The following CEP162 variants were observed in gnomAD, a reference collection of about 807,000 sequenced individuals.
CEP162 encodes centrosomal protein 162, also known as centrosomal protein of 162 kDa.
A neutral mutation model predicts 169.2 loss-of-function variants in CEP162; 141 were observed. The ratio of observed to expected loss-of-function variants is 0.83; its 90% CI spans 0.73 to 0.96. CEP162 has a LOEUF of 0.96. Among genes scored for constraint, CEP162 ranks in the 40% least tolerant of loss-of-function variants. The probability of loss-of-function intolerance (pLI) is 0.00; values close to 1 mark genes in which losing one functional copy is unlikely to be tolerated. For missense variants in CEP162, 1,600 were observed against 1,587.2 expected, an observed-to-expected ratio of 1.01 and a Z score of -0.14; for synonymous variants, 540 against 526.4, an observed-to-expected ratio of 1.03 and a Z score of -0.35.
At chr6:84,145,751 TCAC>T (rs2099518585) in intron 25 of CEP162, among the ~76,000 whole-genome samples, 2 of 151,904 alleles carry the variant, frequency 1.3e-5, no homozygotes, top group East Asian at 1.9e-4. Flanking sequence ...CTGCAGAGAG[TCAC>T]CACAACAGCT....
At chr6:84,226,481 T>C (rs1193539186) in intron 1 of CEP162, 29 bp from the exon 2 acceptor site, 8 of 956,800 alleles carry the variant, frequency 8.4e-6, no homozygotes, top group Non-Finnish European at 1.3e-5. Context: ...AAACATCTTT[T>C]GAGGAAATCC....
At chr6:84,142,281 T>A (rs2099517014) in intron 25 of CEP162, among the ~76,000 whole-genome samples, 1 of 152,182 alleles carries the variant, frequency 6.6e-6, no homozygotes, top group Admixed American at 6.5e-5. Flanking sequence ...AATACACAAT[T>A]TGCATTCAAC....
chr6:84,202,305 A>G (rs992574617), intron 7 of CEP162, among the ~76,000 whole-genome samples: 5 of 152,100 alleles, frequency 3.3e-5, no homozygotes, highest in Non-Finnish European at 5.9e-5. Flanking sequence ...TTTCCTATTA[A>G]TATCACCTAT....
chr6:84,212,075 A>G (rs2099549722), intron 6 of CEP162, among the ~76,000 whole-genome samples: 4 of 152,178 alleles, frequency 2.6e-5, no homozygotes, highest in African/African-American at 4.8e-5. Flanking sequence ...GTATCAAGTA[A>G]AAGTATTCCT....
At chr6:84,169,149 A>C (rs1169590893) in intron 18 of CEP162, among the ~76,000 whole-genome samples, 179 bp downstream of exon 18, 1 of 152,152 alleles carries the variant, frequency 6.6e-6, no homozygotes, top group Non-Finnish European at 1.5e-5. Flanking sequence ...CCTCTATACT[A>C]AGGTCATGTG....
chr6:84,193,838 A>G (rs940514863), intron 10 of CEP162, 148 bp from the exon 11 acceptor site: 1 of 484,476 alleles, frequency 2.1e-6, no homozygotes, highest in Non-Finnish European at 3.7e-6. Flanking sequence ...AAGTTTCCTT[A>G]TACCAGGAAA....
intron 9 of CEP162, 109 bp from the exon 10 acceptor site, chr6:84,195,184 G>C: frequency 1.1e-6 from 1 of 905,996 alleles, no homozygotes; most frequent in Non-Finnish European, 1.6e-6. Flanking sequence ...GTAGAGTTAA[G>C]TACTAACTAG....
rs183962296 is a variant in CEP162, at chr6:84,125,135, G to A, written c.4147C>T (p.Leu1383=). ...GGCACAACCACTCCTTGCCGGTGCA[G>A]CTCTCGGAGAACATCTAATATTGAG... ...LDSILDVLRE[L]HRQGVVVPVA... is the part of the protein sequence containing the mutation. The change falls in exon 27 of 27, where the codon CTG becomes TTG. Residue 1383 remains leucine (L), a synonymous_variant. Transcript: ENST00000403245. The A allele has an allele frequency of 6.2e-7, 1 of 1,613,540 alleles. No individual in the cohort carries two copies. Among genetic ancestry groups the A allele is most frequent in the East Asian group, 2.2e-5 (1 of 44,864 alleles).
chr6:84,182,083 A>G (rs951376951), intron 13 of CEP162, among the ~76,000 whole-genome samples: 3 of 152,044 alleles, frequency 2.0e-5, no homozygotes, highest in African/African-American at 7.2e-5. Context: ...CCTATTTTAA[A>G]AGAACCTGTA....
chr6:84,136,074 C>T (rs1407887920), intron 25 of CEP162, among the ~76,000 whole-genome samples: 3 of 152,154 alleles, frequency 2.0e-5, no homozygotes, highest in Admixed American at 6.6e-5. Flanking sequence ...GCCATTCCTG[C>T]TTTCTTTGCT....
At position 84,187,909 on chromosome 6, in the gene CEP162, A is replaced by C. The variant is rs189397548; in HGVS notation, c.1110-1286T>G. On this transcript the variant is annotated intron_variant, in intron 11 of 26. Transcript: ENST00000403245. ...ACACAGAATGAGCTGGTTTGTAAGCAGAATTTAAAGAGAATAGAAGGAATC... is the reference window on the plus strand; with the variant it reads ...ACACAGAATGAGCTGGTTTGTAAGCCGAATTTAAAGAGAATAGAAGGAATC... Among the ~76,000 whole-genome samples the C allele has an allele frequency of 1.2e-3, 181 of 152,356 alleles. No homozygotes were observed. In the Middle Eastern group the frequency reaches 0.02, roughly 17 times the overall value.
chr6:84,204,728 C>G (rs1455258683), intron 6 of CEP162, among the ~76,000 whole-genome samples: 2 of 152,118 alleles, frequency 1.3e-5, no homozygotes, highest in East Asian at 3.9e-4. Context: ...TAACTAAGAT[C>G]AGAGCAGAAT....
At chr6:84,181,904 T>G (rs1021174744) in intron 13 of CEP162, among the ~76,000 whole-genome samples, 3 of 152,074 alleles carry the variant, frequency 2.0e-5, no homozygotes, top group Admixed American at 6.6e-5. Context: ...TGTCTAAAAT[T>G]AAAAAAGTTA....
At chr6:84,209,621 C>T (rs148065681) in intron 6 of CEP162, among the ~76,000 whole-genome samples, 7 of 152,084 alleles carry the variant, frequency 4.6e-5, no homozygotes, top group African/African-American at 1.2e-4. Flanking sequence ...GTGATCCACC[C>T]GCCTTGGCCT....
chr6:84,212,069 C>T (rs1675011329), intron 6 of CEP162, among the ~76,000 whole-genome samples: 1 of 151,928 alleles, frequency 6.6e-6, no homozygotes, highest in South Asian at 2.1e-4. Flanking sequence ...AATTCTGTAT[C>T]AAGTAAAAGT....
chr6:84,209,659 GCCACCACAC>G (rs1191995230), intron 6 of CEP162, among the ~76,000 whole-genome samples: 1 of 152,170 alleles, frequency 6.6e-6, no homozygotes, highest in Non-Finnish European at 1.5e-5. Flanking sequence ...ACAGGTGTAA[GCCACCACAC>G]CCGGCCTATT....
intron 25 of CEP162, among the ~76,000 whole-genome samples, chr6:84,141,656 C>CT (rs2099516691): frequency 6.6e-6 from 1 of 152,160 alleles, no homozygotes; most frequent in Non-Finnish European, 1.5e-5. Flanking sequence ...AGAAAGTACT[C>CT]CAGCCTGATA....
chr6:84,124,252 T>C lies in CEP162; in HGVS notation c.*818A>G, dbSNP rs1161976431. 6.6e-6 allele frequency: 1 copy of C among 152,012 alleles called. No individual in the cohort carries two copies. The highest frequency in any genetic ancestry group is 1.5e-5 in the Non-Finnish European group (1 of 67,972). 9.4% of individuals were successfully genotyped at this position (152,012 alleles called of 1,614,324 possible). A position where few individuals can be genotyped will look rare whatever the true frequency, so the allele number is the denominator to read the frequency against. On this transcript the variant is annotated 3_prime_UTR_variant, in exon 27 of 27. Coordinates refer to ENST00000403245, the MANE Select transcript of CEP162 (RefSeq NM_014895.4). ...CAGAAATCATTATATAAAAAAGATA[T>C]CTGTACATGTATGTTTATTGCAGCA...
intron 21 of CEP162, among the ~76,000 whole-genome samples, chr6:84,160,180 T>C (rs538025465): frequency 3.4e-4 from 52 of 152,204 alleles, no homozygotes; most frequent in African/African-American, 1.2e-3. Flanking sequence ...TATTTAGTTA[T>C]GAATATAAAT....
Sources: gnomAD v4.1 joint callset for allele counts (sites outside exome capture counted in the v4.1 genomes callset) on GRCh38, gnomAD v4.1.1 for gene constraint, MANE v1.5 for transcripts, NCBI Gene and HGNC (gene_info 2026-07-23, HGNC 2026-07-21) for gene names.